MINDY4: variants seen among roughly 807,000 people sequenced by gnomAD.
MINDY4 encodes the protein probable ubiquitin carboxyl-terminal hydrolase MINDY-4.
In MINDY4, 68 loss-of-function variants were observed where a neutral mutation model predicts 87.0. The ratio of observed to expected loss-of-function variants is 0.78; its 90% CI spans 0.64 to 0.96. The LOEUF (loss-of-function observed/expected upper bound fraction) is 0.96. Ranked by LOEUF, MINDY4 falls within the 40% of genes least tolerant of loss-of-function variation. The pLI, the probability that MINDY4 is intolerant of heterozygous loss-of-function variation, is 0.00. For synonymous variants in MINDY4, 379 were observed against 363.2 expected, an observed-to-expected ratio of 1.04 and a Z score of -0.50; for missense variants, 919 against 928.2, an observed-to-expected ratio of 0.99 and a Z score of 0.13.
Position 30,840,801 on chromosome 7 carries a change from C to A in MINDY4, c.1398C>A (p.Val466=), listed in dbSNP as rs781473616. The A allele has an allele frequency of 6.2e-7, 1 of 1,614,158 alleles. No individual in the cohort carries two copies. The highest frequency in any genetic ancestry group is 8.5e-7 in the Non-Finnish European group (1 of 1,180,022). Residue 466 remains valine, a synonymous_variant, in exon 9 of 18, where the codon GTC becomes GTA. Transcript: ENST00000265299. ...CGVLAAVQGC[V]LQKLLFEGDS... ...TCCTGGCAGCTGTCCAAGGCTGTGT[C>A]CTACAGAAACTCCTGTTTGAAGGAG...
At chr7:30,823,823 A>G (rs1037485213) in intron 5 of MINDY4, among the ~76,000 whole-genome samples, 2 of 152,188 alleles carry the variant, frequency 1.3e-5, no homozygotes, top group African/African-American at 4.8e-5. Context: ...GACTTAAAAA[A>G]ACAAATAAAA....
At chr7:30,875,112 C>T (rs923640441) in intron 14 of MINDY4, among the ~76,000 whole-genome samples, 1 of 152,228 alleles carries the variant, frequency 6.6e-6, no homozygotes, top group African/African-American at 2.4e-5. Flanking sequence ...GCCCCAGCCA[C>T]ATCCTGCATT....
chr7:30,844,636 T>TGAAGGTCAGAGGCTACA (rs1400613823), intron 9 of MINDY4, among the ~76,000 whole-genome samples: 1 of 152,104 alleles, frequency 6.6e-6, no homozygotes, highest in Non-Finnish European at 1.5e-5. Context: ...GCCAAGGCCC[T>TGAAGGTCAGAGGCTACA]GAAGGTCAGA....
chr7:30,867,307 C>G (rs1477795129), intron 13 of MINDY4, among the ~76,000 whole-genome samples: 1 of 152,148 alleles, frequency 6.6e-6, no homozygotes, highest in Non-Finnish European at 1.5e-5. Context: ...GGTTCTTGGC[C>G]GTGATATGAG....
At chr7:30,837,316 C>T (rs1389156978) in intron 7 of MINDY4, among the ~76,000 whole-genome samples, 1 of 152,146 alleles carries the variant, frequency 6.6e-6, no homozygotes, top group African/African-American at 2.4e-5. Flanking sequence ...GGTGGCCTCA[C>T]CACTCCCGTG....
chr7:30,863,040 CCACTGT>C (rs1789815738), intron 13 of MINDY4, among the ~76,000 whole-genome samples: 1 of 152,128 alleles, frequency 6.6e-6, no homozygotes, highest in Non-Finnish European at 1.5e-5. Flanking sequence ...TGCTCTCCAG[CCACTGT>C]CCCTGAGACC....
At chr7:30,872,383 C>T in intron 14 of MINDY4, 77 bp downstream of exon 14, 3 of 1,346,096 alleles carry the variant, frequency 2.2e-6, no homozygotes, top group African/African-American at 1.4e-5. Context: ...CTCCTCCCTC[C>T]TCTTGCCCCA....
chr7:30,849,884 A>G (rs1384861775), intron 9 of MINDY4, among the ~76,000 whole-genome samples: 2 of 152,186 alleles, frequency 1.3e-5, no homozygotes, highest in Non-Finnish European at 2.9e-5. Flanking sequence ...TGGCACCACC[A>G]TGTGCCCACT....
At chr7:30,831,472 C>G (rs957818521) in intron 6 of MINDY4, among the ~76,000 whole-genome samples, 4 of 152,100 alleles carry the variant, frequency 2.6e-5, no homozygotes, top group African/African-American at 9.7e-5. Context: ...GGACATATTC[C>G]TGTAACAGTG....
At chr7:30,863,483 T>C (rs975995384) in intron 13 of MINDY4, among the ~76,000 whole-genome samples, 2 of 152,158 alleles carry the variant, frequency 1.3e-5, no homozygotes, top group Non-Finnish European at 2.9e-5. Flanking sequence ...TGCATGTGAT[T>C]GTGATGTGTG....
intron 5 of MINDY4, 119 bp downstream of exon 5, chr7:30,791,693 C>T: frequency 9.0e-7 from 1 of 1,108,596 alleles, no homozygotes; most frequent in Non-Finnish European, 1.3e-6. Context: ...TCAGAACAAG[C>T]CTGCGAAGTA....
chr7:30,882,250 C>G lies in MINDY4; in HGVS notation c.2041C>G (p.Leu681Val). Residue 681 changes from leucine to valine, a missense_variant, in exon 16 of 18, where the codon CTC (leucine) becomes GTC (valine). Physicochemically the swap from Leu to Val is conservative, Grantham distance 32. Coordinates refer to ENST00000265299, the MANE Select transcript of MINDY4 (RefSeq NM_032222.3). ...TTGCAGTGAGAGCCACTTCAGCATC[C>G]TCTTTAGCCTGCAGCCGGGGCTCCT... ...VVCSESHFSI[L>V]FSLQPGLLRD... is the part of the protein sequence containing the mutation. The G allele has an allele frequency of 6.2e-7, 1 of 1,614,000 alleles. No individual in the cohort carries two copies.
intron 2 of MINDY4, chr7:30,781,259 A>G (rs1156582266): frequency 6.6e-6 from 1 of 152,258 alleles, no homozygotes; most frequent in African/African-American, 2.4e-5. Context: ...TGTTTATCCA[A>G]ATTACTTAGG....
intron 5 of MINDY4, among the ~76,000 whole-genome samples, chr7:30,792,574 A>G (rs1787357312): frequency 6.6e-6 from 1 of 152,154 alleles, no homozygotes; most frequent in Non-Finnish European, 1.5e-5. Flanking sequence ...TTCTTGTGTA[A>G]GTTTTGGCAA....
At chr7:30,777,247 C>T (rs1037563289) in intron 1 of MINDY4, among the ~76,000 whole-genome samples, 3 of 152,182 alleles carry the variant, frequency 2.0e-5, no homozygotes, top group East Asian at 3.9e-4. Context: ...GTTAAATGTA[C>T]AGGGCTTGCT....
chr7:30,825,005 G>C (rs768456523), intron 5 of MINDY4, among the ~76,000 whole-genome samples: 15 of 152,228 alleles, frequency 9.9e-5, no homozygotes, highest in Non-Finnish European at 2.1e-4. Flanking sequence ...AGGACCTGTG[G>C]TGGGAGGTGG....
chr7:30,818,926 T>C (rs1461079351), intron 5 of MINDY4, among the ~76,000 whole-genome samples: 1 of 152,246 alleles, frequency 6.6e-6, no homozygotes, highest in African/African-American at 2.4e-5. Flanking sequence ...GTTTTATCCT[T>C]CCTTTTCACT....
In MINDY4 at chr7:30,778,461, C is replaced by T. The variant is rs775370060; in HGVS notation, c.93C>T (p.Asp31=). The T allele has an allele frequency of 1.2e-6, 2 of 1,614,170 alleles. No individual in the cohort carries two copies. Among genetic ancestry groups the T allele is most frequent in the Non-Finnish European group, 1.7e-6 (2 of 1,180,012 alleles). Residue 31 remains aspartate (D), a synonymous_variant, in exon 2 of 18, where the codon GAC becomes GAT. Coordinates refer to ENST00000265299, the MANE Select transcript of MINDY4 (RefSeq NM_032222.3). ...TAAAGAAGACATGTGTGACCATGGACCAGGAACGCCCACGCTCTGACCTCA... is the reference window on the plus strand; with the variant it reads ...TAAAGAAGACATGTGTGACCATGGATCAGGAACGCCCACGCTCTGACCTCA... ...KGLKKTCVTM[D]QERPRSDLSI...
intron 12 of MINDY4, chr7:30,858,968 G>T: frequency 1.5e-6 from 1 of 663,428 alleles, no homozygotes; most frequent in Non-Finnish European, 2.8e-6. Context: ...CCATAATGGA[G>T]CTGGCCATGA....
Sources: gnomAD v4.1 joint callset for allele counts (sites outside exome capture counted in the v4.1 genomes callset) on GRCh38, gnomAD v4.1.1 for gene constraint, MANE v1.5 for transcripts, NCBI Gene and HGNC (gene_info 2026-07-23, HGNC 2026-07-21) for gene names.